Variants in ZNF560 observed in about 807,000 individuals in gnomAD.
The protein encoded by ZNF560 is zinc finger protein 560.
In ZNF560, 54 loss-of-function variants were observed where a neutral mutation model predicts 81.8. The observed-to-expected ratio is 0.66, with a 90% CI of 0.53 to 0.83. The LOEUF is 0.83. ZNF560 is among the 40% of genes least tolerant of loss of function. ZNF560 has a pLI of 0.00. For missense variants in ZNF560, 940 were observed against 932.4 expected (o/e 1.01, Z -0.11); for synonymous variants, 321 against 317.9 (o/e 1.01, Z -0.10).
the ZNF560 span, among the ~76,000 whole-genome samples, chr19:9,455,658 A>G: frequency 6.6e-6 from 1 of 152,212 alleles, no homozygotes; most frequent in Non-Finnish European, 1.5e-5. Context: ...TAAAAAGGTG[A>G]TTGCAGATTC....
downstream of ZNF560, among the ~76,000 whole-genome samples, chr19:9,465,941 C>T (rs2073007791): frequency 6.6e-6 from 1 of 152,016 alleles, no homozygotes; most frequent in Non-Finnish European, 1.5e-5. Flanking sequence ...TTGCAGTGAG[C>T]CGAGATCATG....
At chr19:9,475,144 G>T in intron 3 of ZNF560, 140 bp downstream of exon 3, 1 of 811,316 alleles carries the variant, frequency 1.2e-6, no homozygotes, top group Non-Finnish European at 2.0e-6. Flanking sequence ...ACTCCCTGGG[G>T]AAATTCAACA....
chr19:9,454,234 T>C, the ZNF560 span, among the ~76,000 whole-genome samples: 2 of 152,222 alleles, frequency 1.3e-5, no homozygotes, highest in African/African-American at 4.8e-5. Flanking sequence ...ATCATGAGTT[T>C]ACTGTCAATA....
Position 9,466,454 on chromosome 19 carries a change from G to T in ZNF560, c.*120C>A. 2.2e-6 allele frequency: 2 copies of T among 903,374 alleles called. No individual in the cohort carries two copies. Among genetic ancestry groups the T allele is most frequent in the Non-Finnish European group, 3.4e-6 (2 of 594,972 alleles). 56.0% of individuals were successfully genotyped at this position (903,374 alleles called of 1,614,324 possible). A position where few individuals can be genotyped will look rare whatever the true frequency, so the allele number is the denominator to read the frequency against. On this transcript the variant is annotated 3_prime_UTR_variant, in exon 10 of 10. Coordinates refer to ENST00000301480, the MANE Select transcript of ZNF560 (RefSeq NM_152476.3). ...TATCTAGAAAGATTCAACTGTTCAGGCTTTCTCACATTCCTTACATTGATA... is the reference window on the plus strand; with the variant it reads ...TATCTAGAAAGATTCAACTGTTCAGTCTTTCTCACATTCCTTACATTGATA...
chr19:9,469,587 G>A, intron 8 of ZNF560, 43 bp downstream of exon 8: 1 of 1,572,396 alleles, frequency 6.4e-7, no homozygotes, highest in Non-Finnish European at 8.8e-7. Flanking sequence ...CAAACGTACT[G>A]AGAACTTCTC....
At chr19:9,480,575 C>T (rs1311641900) in intron 2 of ZNF560, among the ~76,000 whole-genome samples, 2 of 150,802 alleles carry the variant, frequency 1.3e-5, no homozygotes, top group Non-Finnish European at 3.0e-5. Flanking sequence ...AAAAAAAAAT[C>T]ACAAAAGATA....
chr19:9,500,938 T>C (rs150421547), upstream of ZNF560, among the ~76,000 whole-genome samples: 316 of 150,994 alleles, frequency 2.1e-3, 2 homozygotes, highest in African/African-American at 7.3e-3. Flanking sequence ...CTGCATTAGT[T>C]GAGGTGATTC....
intron 2 of ZNF560, among the ~76,000 whole-genome samples, chr19:9,481,073 A>G (rs1013551101): frequency 3.3e-5 from 4 of 121,404 alleles, no homozygotes; most frequent in Non-Finnish European, 5.2e-5. Flanking sequence ...ATACAGGCAG[A>G]GATTATCTGA....
the ZNF560 span, among the ~76,000 whole-genome samples, chr19:9,456,287 T>C: frequency 6.6e-6 from 1 of 152,212 alleles, no homozygotes; most frequent in Admixed American, 6.5e-5. Flanking sequence ...GTAGGACTAC[T>C]TCTGGGAAGA....
At chr19:9,491,107 A>C (rs1248197961) in intron 2 of ZNF560, among the ~76,000 whole-genome samples, 1 of 151,920 alleles carries the variant, frequency 6.6e-6, no homozygotes, top group Non-Finnish European at 1.5e-5. Flanking sequence ...TAAATAAACA[A>C]AGTTGGTTTT....
chr19:9,454,782 G>A, the ZNF560 span, among the ~76,000 whole-genome samples: 2 of 152,210 alleles, frequency 1.3e-5, no homozygotes, highest in African/African-American at 2.4e-5. Flanking sequence ...TGTCTGGTCA[G>A]TGTGGGCTCT....
chr19:9,474,578 G>A (rs531437987), intron 3 of ZNF560, among the ~76,000 whole-genome samples: 1 of 152,134 alleles, frequency 6.6e-6, no homozygotes, highest in East Asian at 1.9e-4. Flanking sequence ...CAGACTGTGA[G>A]TGCTTTCTCA....
chr19:9,454,191 TCA>T, the ZNF560 span, among the ~76,000 whole-genome samples: 1 of 152,216 alleles, frequency 6.6e-6, no homozygotes, highest in East Asian at 1.9e-4. Flanking sequence ...AATAATACAT[TCA>T]GTTAATCTAT....
chr19:9,446,144 T>C, the ZNF560 span, among the ~76,000 whole-genome samples: 387 of 152,124 alleles, frequency 2.5e-3, 2 homozygotes, highest in African/African-American at 9.1e-3. Flanking sequence ...CCACACTGAG[T>C]ACAGACCAGA....
upstream of ZNF560, among the ~76,000 whole-genome samples, chr19:9,502,932 T>G (rs776398199): frequency 6.6e-6 from 1 of 152,204 alleles, no homozygotes; most frequent in African/African-American, 2.4e-5. Flanking sequence ...TTGAATAGAT[T>G]CTTATCTATT....
chr19:9,485,126 G>A (rs1264552147), intron 2 of ZNF560, among the ~76,000 whole-genome samples: 1 of 152,072 alleles, frequency 6.6e-6, no homozygotes, highest in Non-Finnish European at 1.5e-5. Context: ...ACACACCTAG[G>A]ACTTGACTGC....
chr19:9,462,722 G>A (rs994781811), downstream of ZNF560, among the ~76,000 whole-genome samples: 1 of 151,558 alleles, frequency 6.6e-6, no homozygotes, highest in African/African-American at 2.4e-5. Flanking sequence ...GAATTACAAA[G>A]ATAATATAAC....
downstream of ZNF560, among the ~76,000 whole-genome samples, chr19:9,463,268 TAAAA>T (rs1035285788): frequency 5.9e-5 from 9 of 151,848 alleles, no homozygotes; most frequent in African/African-American, 2.2e-4. Context: ...CTAAAAAAAA[TAAAA>T]AAGGAAATCA....
intron 2 of ZNF560, among the ~76,000 whole-genome samples, chr19:9,485,185 T>G (rs2073365726): frequency 1.3e-5 from 2 of 152,132 alleles, no homozygotes; most frequent in South Asian, 4.1e-4. Context: ...AACCAATCCT[T>G]CTGAAATTAT....
Sources: gnomAD v4.1 joint callset for allele counts (sites outside exome capture counted in the v4.1 genomes callset) on GRCh38, gnomAD v4.1.1 for gene constraint, MANE v1.5 for transcripts, NCBI Gene and HGNC (gene_info 2026-07-23, HGNC 2026-07-21) for gene names.